The following EXOC6B variants were observed in gnomAD, a reference collection of about 807,000 sequenced individuals.
EXOC6B encodes exocyst complex component 6B.
EXOC6B carries 54 observed loss-of-function variants against 113.5 expected under a neutral mutation model. The observed-to-expected ratio is 0.48, with a 90% CI of 0.38 to 0.60. The LOEUF is 0.60. Ranked by LOEUF, EXOC6B falls within the 20% of genes least tolerant of loss-of-function variation. The probability of loss-of-function intolerance (pLI) is 0.00; values close to 1 mark genes in which losing one functional copy is unlikely to be tolerated. For synonymous variants in EXOC6B, 357 were observed against 339.0 expected, an observed-to-expected ratio of 1.05 and a Z score of -0.58; for missense variants, 797 against 977.5, an observed-to-expected ratio of 0.82 and a Z score of 2.46.
intron 18 of EXOC6B, among the ~76,000 whole-genome samples, chr2:72,440,711 C>T (rs755181356): frequency 1.3e-5 from 2 of 152,136 alleles, no homozygotes; most frequent in Non-Finnish European, 2.9e-5. Context: ...AGGCTAAATG[C>T]CCTAAATAAA....
chr2:72,550,979 C>T lies in EXOC6B; in HGVS notation c.915+8474G>A, dbSNP rs528959068. ...TGTTGCCCAGGCTGAAGTGCAATGG[C>T]GCGATCTTGGATAACTGCCATTTAT... On this transcript the variant is annotated intron_variant, in intron 8 of 21. Coordinates refer to ENST00000272427, the MANE Select transcript of EXOC6B (RefSeq NM_015189.3). 1.1e-4 allele frequency among the ~76,000 whole-genome samples: 16 copies of T among 147,260 alleles called. 1 individual carries two copies. Among genetic ancestry groups the T allele is most frequent in the African/African-American group, 3.7e-4 (15 of 40,168 alleles).
intron 16 of EXOC6B, among the ~76,000 whole-genome samples, chr2:72,484,284 C>T (rs913207867): frequency 6.6e-6 from 1 of 151,664 alleles, no homozygotes; most frequent in Non-Finnish European, 1.5e-5. Context: ...CTCAGCTGGG[C>T]GCGGTGGCTC....
intron 6 of EXOC6B, among the ~76,000 whole-genome samples, chr2:72,631,207 CAT>C (rs1558861653): frequency 1.4e-5 from 2 of 146,456 alleles, no homozygotes; most frequent in Non-Finnish European, 3.0e-5. Flanking sequence ...TATATATATG[CAT>C]ATGTGTATAT....
chr2:72,351,445 C>G (rs72841781), intron 19 of EXOC6B, among the ~76,000 whole-genome samples: 3 of 152,312 alleles, frequency 2.0e-5, no homozygotes, highest in Admixed American at 1.3e-4. Flanking sequence ...TTTACAAACA[C>G]TGACTCAACG....
chr2:72,556,202 C>T (rs1187556041), intron 8 of EXOC6B, among the ~76,000 whole-genome samples: 1 of 152,156 alleles, frequency 6.6e-6, no homozygotes, highest in Non-Finnish European at 1.5e-5. Context: ...AACAATGACA[C>T]CTGCTTGTTA....
chr2:72,631,453 TATATATATAGAGAG>T (rs1672437746), intron 6 of EXOC6B, among the ~76,000 whole-genome samples: 26 of 33,948 alleles, frequency 7.7e-4, no homozygotes, highest in Non-Finnish European at 1.4e-3. Context: ...TATATATATA[TATATATATAGAGAG>T]AGAGAGAGAG....
rs182490722 is a variant in EXOC6B, at chr2:72,530,865, C to T, written c.916-15739G>A. 5.4e-3 allele frequency among the ~76,000 whole-genome samples: 815 copies of T among 152,100 alleles called. 9 individuals are homozygous for T. Among genetic ancestry groups the T allele is most frequent in the African/African-American group, 0.019 (777 of 41,510 alleles). Reference sequence around the variant, plus strand: ...CTGGTAATTTTCTTTCCTCTGATGTCTACTTCATTTTATATTAATAGAGAT... The same window carrying T: ...CTGGTAATTTTCTTTCCTCTGATGTTTACTTCATTTTATATTAATAGAGAT... On this transcript the variant is annotated intron_variant, in intron 8 of 21. Transcript: ENST00000272427.
In EXOC6B at chr2:72,515,034, T is replaced by C. The variant is rs751220368; in HGVS notation, c.999+9A>G. The stretch of plus-strand genomic sequence containing the variant: ...AAAAATGTGAGAAAAGTGAAGATGG[T>C]AATCCTACCATGTTAGATGGAGGTT... On this transcript the variant is annotated intron_variant, in intron 9 of 21. Transcript: ENST00000272427. 6.3e-7 allele frequency: 1 copy of C among 1,595,956 alleles called. No individual in the cohort carries two copies. The highest frequency in any genetic ancestry group is 1.1e-5 in the South Asian group (1 of 87,714).
chr2:72,406,977 TAAAG>T (rs899770777), intron 18 of EXOC6B, among the ~76,000 whole-genome samples: 3 of 150,842 alleles, frequency 2.0e-5, no homozygotes, highest in Admixed American at 1.3e-4. Flanking sequence ...GCAAGACTAA[TAAAG>T]AAGAAAAGAG....
rs184375300 is a variant in EXOC6B at position 72,601,259 on chromosome 2, T to C, written c.670-25591A>G. 5.9e-5 allele frequency among the ~76,000 whole-genome samples: 9 copies of C among 151,908 alleles called. No individual in the cohort carries two copies. The East Asian group carries it at 1.8e-3, about 30-fold the overall frequency. On this transcript the variant is annotated intron_variant, in intron 6 of 21. Coordinates refer to ENST00000272427, the MANE Select transcript of EXOC6B (RefSeq NM_015189.3). The stretch of plus-strand genomic sequence containing the variant: ...GTGCAGTGGCGTGATCTCAGCTCAC[T>C]GCAAGCTCCACCTCCCGGGTTCACA...
At chr2:72,398,652 G>A (rs573013481) in intron 18 of EXOC6B, among the ~76,000 whole-genome samples, 9 of 149,852 alleles carry the variant, frequency 6.0e-5, no homozygotes, top group South Asian at 2.1e-4. Context: ...AGCCAAGATC[G>A]CGACACTGCA....
chr2:72,225,987 C>T (rs770895781), intron 20 of EXOC6B, among the ~76,000 whole-genome samples: 6 of 152,112 alleles, frequency 3.9e-5, no homozygotes, highest in Non-Finnish European at 8.8e-5. Flanking sequence ...CAGCAACAAC[C>T]GCGTATGTGA....
chr2:72,674,338 T>A (rs1573601588), intron 6 of EXOC6B, among the ~76,000 whole-genome samples: 1 of 152,236 alleles, frequency 6.6e-6, no homozygotes, highest in East Asian at 1.9e-4. Context: ...TCCTACCTTC[T>A]ACAGATGATC....
intron 21 of EXOC6B, among the ~76,000 whole-genome samples, chr2:72,181,856 CCCT>C (rs1678109568): frequency 1.3e-5 from 2 of 152,176 alleles, no homozygotes; most frequent in Admixed American, 6.5e-5. Context: ...CAAAAGTCAG[CCCT>C]CCCACCTTCC....
intron 8 of EXOC6B, among the ~76,000 whole-genome samples, chr2:72,518,054 C>G (rs972511871): frequency 1.3e-5 from 2 of 152,064 alleles, no homozygotes; most frequent in Non-Finnish European, 2.9e-5. Flanking sequence ...CAACTCAATA[C>G]TTAAAGGTGG....
At chr2:72,269,543 G>A (rs1413859740) in intron 20 of EXOC6B, among the ~76,000 whole-genome samples, 4 of 152,080 alleles carry the variant, frequency 2.6e-5, no homozygotes, top group Non-Finnish European at 5.9e-5. Context: ...AGGCACAGTG[G>A]CTCACACCTA....
chr2:72,530,998 T>C (rs1025430705), intron 8 of EXOC6B, among the ~76,000 whole-genome samples: 1 of 152,156 alleles, frequency 6.6e-6, no homozygotes, highest in African/African-American at 2.4e-5. Flanking sequence ...ATAGACAATA[T>C]GTCTTAATCC....
chr2:72,377,868 T>C (rs774742386), intron 19 of EXOC6B, among the ~76,000 whole-genome samples: 2 of 152,052 alleles, frequency 1.3e-5, no homozygotes, highest in Non-Finnish European at 2.9e-5. Context: ...TAAAAAAGTA[T>C]ATGAAGTAAT....
At position 72,575,546 on chromosome 2, in the gene EXOC6B, C is replaced by G; in HGVS notation, c.792G>C (p.Lys264Asn). The G allele has an allele frequency of 6.2e-7, 1 of 1,611,150 alleles. No homozygotes were observed. The highest frequency in any genetic ancestry group is 1.1e-5 in the South Asian group (1 of 90,242). The change falls in exon 7 of 22, where the codon AAG (lysine) becomes AAC (asparagine). Residue 264 changes from lysine (K) to asparagine (N), a missense_variant. Lys to Asn is a moderately conservative substitution (Grantham distance 94, BLOSUM62 0). Coordinates refer to ENST00000272427, the MANE Select transcript of EXOC6B (RefSeq NM_015189.3). ...FDTEIESTSP[K>N]SEQDSGILDV... ...CCAGAATTCCTGAATCCTGTTCAGA[C>G]TTCGGACTAGTACTTTCTATCTCTG...
Sources: gnomAD v4.1 joint callset for allele counts (sites outside exome capture counted in the v4.1 genomes callset) on GRCh38, gnomAD v4.1.1 for gene constraint, MANE v1.5 for transcripts, NCBI Gene and HGNC (gene_info 2026-07-23, HGNC 2026-07-21) for gene names.